PPIP5K1: variants seen among roughly 807,000 people sequenced by gnomAD.
PPIP5K1 encodes the protein diphosphoinositol pentakisphosphate kinase 1.
In PPIP5K1, 6 loss-of-function variants were observed where a neutral mutation model predicts 27.7. That is an observed-to-expected ratio of 0.22 (90% confidence interval 0.12 to 0.43). The LOEUF (loss-of-function observed/expected upper bound fraction) is 0.43, where lower values mean the gene tolerates loss of function less well. Among genes scored for constraint, PPIP5K1 ranks in the 20% least tolerant of loss-of-function variants. The pLI, the probability that PPIP5K1 is intolerant of heterozygous loss-of-function variation, is 1.00. For missense variants in PPIP5K1, 394 were observed against 635.4 expected, an observed-to-expected ratio of 0.62 and a Z score of 4.08; for synonymous variants, 145 against 242.6, an observed-to-expected ratio of 0.60 and a Z score of 3.74.
Position 43,539,546 on chromosome 15 carries a change from A to G in PPIP5K1, c.3594T>C (p.Asp1198=). 1 of 1,609,650 alleles carries G rather than the reference A, an allele frequency of 6.2e-7. No homozygotes were observed. The highest frequency in any genetic ancestry group is 1.1e-5 in the South Asian group (1 of 89,970). The change falls in exon 31 of 32, where the codon GAT becomes GAC. Residue 1198 remains aspartate (D), a synonymous_variant. Transcript: ENST00000420765. Reference sequence around the variant, plus strand: ...GAGTACGTGGTGGAGAAAATGGGTTATCTGAGGCCTGGCTGCTGTGCATGG... The same window carrying G: ...GAGTACGTGGTGGAGAAAATGGGTTGTCTGAGGCCTGGCTGCTGTGCATGG... ...FDSMHSSQAS[D]NPFSPPRTLH...
intron 29 of PPIP5K1, 146 bp from the exon 30 acceptor site, chr15:43,559,078 A>G (rs2083436950): frequency 1.1e-6 from 1 of 888,360 alleles, no homozygotes; most frequent in Non-Finnish European, 1.7e-6. Flanking sequence ...AGGAGAGGGA[A>G]CTCTTTAGAG....
At position 43,534,313 on chromosome 15, in the gene PPIP5K1, A is replaced by C. The variant is rs893012066; in HGVS notation, c.*361T>G. 1.1e-5 allele frequency: 2 copies of C among 179,578 alleles called. No individual in the cohort carries two copies. Among genetic ancestry groups the C allele is most frequent in the East Asian group, 3.0e-4 (2 of 6,720 alleles). 11.1% of individuals were successfully genotyped at this position (179,578 alleles called of 1,614,324 possible). On this transcript the variant is annotated 3_prime_UTR_variant, in exon 32 of 32. Transcript: ENST00000420765. ...ATGACAGACCAACCCACCCCAAGGA[A>C]ATCCTATTCAAGTCTAATGGCTAAG...
At chr15:43,558,966 C>A (rs377600621) in intron 29 of PPIP5K1, 34 bp from the exon 30 acceptor site, 1 of 1,610,232 alleles carries the variant, frequency 6.2e-7, no homozygotes. Flanking sequence ...GTCAATGTTA[C>A]TCCTGCCAGA....
intron 31 of PPIP5K1, among the ~76,000 whole-genome samples, chr15:43,537,756 G>T (rs968149382): frequency 6.7e-6 from 1 of 148,984 alleles, no homozygotes; most frequent in Middle Eastern, 3.2e-3. Context: ...AACCAACAAG[G>T]CTTTAAGAGA....
chr15:43,537,704 A>AAG (rs1407750816), intron 31 of PPIP5K1, among the ~76,000 whole-genome samples: 1 of 134,824 alleles, frequency 7.4e-6, no homozygotes, highest in African/African-American at 3.2e-5. Flanking sequence ...AAAAAAAAAA[A>AAG]AAAGAGAGAG....
At position 43,534,346 on chromosome 15, in the gene PPIP5K1, C is replaced by A. The variant is rs2140244587; in HGVS notation, c.*328G>T. 1 of 217,388 alleles carries A rather than the reference C, an allele frequency of 4.6e-6. No homozygotes were observed. The highest frequency in any genetic ancestry group is 1.0e-4 in the East Asian group (1 of 9,842). The allele number at this position is 217,388 out of a possible 1,614,324, so 13.5% of individuals were successfully genotyped here. A position where few individuals can be genotyped will look rare whatever the true frequency, so the allele number is the denominator to read the frequency against. ...TCAAGTCTAATGGCTAAGTGAGGAG[C>A]CAATGGCTTCTTCGAACCTAAAACT... On this transcript the variant is annotated 3_prime_UTR_variant, in exon 32 of 32. Transcript: ENST00000420765.
chr15:43,547,273 C>T (rs778059906), intron 30 of PPIP5K1, among the ~76,000 whole-genome samples: 2 of 152,052 alleles, frequency 1.3e-5, no homozygotes, highest in Non-Finnish European at 2.9e-5. Context: ...ATCATCTGTA[C>T]GTATTAGATA....
At chr15:43,556,308 G>C (rs554942205) in intron 30 of PPIP5K1, among the ~76,000 whole-genome samples, 2 of 151,204 alleles carry the variant, frequency 1.3e-5, no homozygotes, top group Admixed American at 1.3e-4. Flanking sequence ...AACAGAGTGA[G>C]ACTCCATCTC....
At chr15:43,540,455 T>G (rs1199811262) in intron 30 of PPIP5K1, among the ~76,000 whole-genome samples, 3 of 151,654 alleles carry the variant, frequency 2.0e-5, no homozygotes, top group African/African-American at 7.3e-5. Context: ...TCCCAGCACT[T>G]TAGGAGGCCG....
rs926004449 is a variant in PPIP5K1 at position 43,534,603 on chromosome 15, G to C, written c.*71C>G. ...CTGGCTCTGAGGGTTTGGATCACCA[G>C]ATGGATGCTGGGCTTGAGGAATACC... On this transcript the variant is annotated 3_prime_UTR_variant, in exon 32 of 32. Coordinates refer to ENST00000420765, the MANE Select transcript of PPIP5K1 (RefSeq NM_001394395.1). The C allele has an allele frequency of 2.9e-6, 4 of 1,380,658 alleles. No homozygotes were observed. Among genetic ancestry groups the C allele is most frequent in the African/African-American group, 1.4e-5 (1 of 69,026 alleles). The allele number at this position is 1,380,658 out of a possible 1,614,324, so 85.5% of individuals were successfully genotyped here.
chr15:43,537,878 AAG>A (rs2080124040), intron 31 of PPIP5K1, among the ~76,000 whole-genome samples: 1 of 150,722 alleles, frequency 6.6e-6, no homozygotes, highest in African/African-American at 2.4e-5. Flanking sequence ...AAAAAAGAAA[AAG>A]AAAAGATGTA....
intron 30 of PPIP5K1, among the ~76,000 whole-genome samples, chr15:43,541,393 G>A (rs1220071518): frequency 2.0e-5 from 3 of 152,038 alleles, no homozygotes; most frequent in Admixed American, 6.5e-5. Context: ...GATTACAGGC[G>A]TGAGCCACCA....
chr15:43,552,709 C>CA (rs1039808369), intron 30 of PPIP5K1, among the ~76,000 whole-genome samples: 66 of 130,548 alleles, frequency 5.1e-4, no homozygotes, highest in East Asian at 2.2e-3. Context: ...TCAAAAAAAA[C>CA]AAAAAAAAAA....
chr15:43,551,606 G>GTTTTTTTTTTTGT (rs2082202496), intron 30 of PPIP5K1, among the ~76,000 whole-genome samples: 1 of 105,462 alleles, frequency 9.5e-6, no homozygotes, highest in Non-Finnish European at 1.7e-5. Context: ...TCTTGATTCA[G>GTTTTTTTTTTTGT]TTTTTTTTTT....
At chr15:43,538,454 T>C (rs1218319470) in intron 31 of PPIP5K1, among the ~76,000 whole-genome samples, 2 of 152,206 alleles carry the variant, frequency 1.3e-5, no homozygotes, top group Non-Finnish European at 2.9e-5. Flanking sequence ...AACTAAAAAT[T>C]GAAAACAGGC....
Position 43,534,899 on chromosome 15 carries a change from G to GCTA in PPIP5K1, c.4245_4247dup (p.Ser1416dup), listed in dbSNP as rs2079624649. The GCTA allele has an allele frequency of 6.2e-7, 1 of 1,614,088 alleles. No individual in the cohort carries two copies. The highest frequency in any genetic ancestry group is 2.2e-5 in the East Asian group (1 of 44,888). On this transcript the variant is annotated inframe_insertion, in exon 32 of 32. Coordinates refer to ENST00000420765, the MANE Select transcript of PPIP5K1 (RefSeq NM_001394395.1). Reference sequence around the variant, plus strand: ...CTTCTACAAGGGTTTCCTGGACCAAGCTACCAACCCCTACATGGAACTTAT... The same window carrying GCTA: ...CTTCTACAAGGGTTTCCTGGACCAAGCTACTACCAACCCCTACATGGAACTTAT...
At chr15:43,567,089 T>G (rs145958636) in intron 26 of PPIP5K1, among the ~76,000 whole-genome samples, 2 of 91,456 alleles carry the variant, frequency 2.2e-5, no homozygotes, top group African/African-American at 2.0e-4. Context: ...AGAGGTTCAT[T>G]TCTTAGATCT....
intron 30 of PPIP5K1, among the ~76,000 whole-genome samples, chr15:43,542,018 G>A (rs1247420146): frequency 6.6e-6 from 1 of 152,162 alleles, no homozygotes; most frequent in Non-Finnish European, 1.5e-5. Context: ...TTACTAACTA[G>A]GTTAAGGTGG....
At chr15:43,551,185 T>C (rs2082138859) in intron 30 of PPIP5K1, among the ~76,000 whole-genome samples, 1 of 152,292 alleles carries the variant, frequency 6.6e-6, no homozygotes, top group Non-Finnish European at 1.5e-5. Context: ...AGTGAAGCCA[T>C]CTGGTTTTAG....
Sources: allele counts gnomAD v4.1 joint callset (sites outside exome capture counted in the v4.1 genomes callset), GRCh38; gene constraint gnomAD v4.1.1; transcripts MANE v1.5; gene names NCBI Gene and HGNC (gene_info 2026-07-23, HGNC 2026-07-21).